Variants in SLC5A11 observed in about 807,000 individuals in gnomAD.
SLC5A11 encodes sodium/myo-inositol cotransporter 2.
Under a neutral mutation model 69.8 loss-of-function variants are expected in SLC5A11, and 48 were observed. That is an observed-to-expected ratio of 0.69 (90% CI 0.55 to 0.87). The LOEUF (loss-of-function observed/expected upper bound fraction) is 0.87. SLC5A11 is among the 40% of genes least tolerant of loss of function. SLC5A11 has a pLI of 0.00. For missense variants in SLC5A11, 784 were observed against 866.1 expected, an observed-to-expected ratio of 0.91 and a Z score of 1.19; for synonymous variants, 319 against 342.4, an observed-to-expected ratio of 0.93 and a Z score of 0.75.
chr16:24,908,859 T>C (rs766500034), intron 13 of SLC5A11, 22 bp from the exon 15 acceptor site: 9 of 1,607,572 alleles, frequency 5.6e-6, no homozygotes, highest in South Asian at 4.4e-5. Flanking sequence ...GTCTCTAAGA[T>C]GATCTTGCTC....
At chr16:24,898,234 C>G (rs979719428) in intron 10 of SLC5A11, 125 bp downstream of exon 11, 37 of 1,277,426 alleles carry the variant, frequency 2.9e-5, no homozygotes, top group Non-Finnish European at 3.6e-5. Flanking sequence ...TTTTCTAAGA[C>G]AGAGTCTCAT....
chr16:24,871,563 G>A (rs1418458219), intron 4 of SLC5A11, among the ~76,000 whole-genome samples: 2 of 152,080 alleles, frequency 1.3e-5, no homozygotes, highest in Non-Finnish European at 2.9e-5. Context: ...GTGACTCACC[G>A]CACCCAGCTG....
At chr16:24,888,539 A>G (rs2048545775) in intron 8 of SLC5A11, among the ~76,000 whole-genome samples, 1 of 133,676 alleles carries the variant, frequency 7.5e-6, no homozygotes, top group South Asian at 2.4e-4. Context: ...GCTAGAGTAC[A>G]GTGGCACAAT....
rs145978243 is a variant in SLC5A11, at chr16:24,857,820, A to G, written c.-24-800A>G. ...TATCTGCAAACTTAATTGTCCTTTG[A>G]TATGTAACAACATATTCACAGGTTC... On this transcript the variant is annotated intron_variant, in intron 1 of 15. Coordinates refer to ENST00000347898, the Ensembl canonical transcript of SLC5A11. Among the ~76,000 whole-genome samples the G allele has an allele frequency of 2.6e-4, 40 of 152,300 alleles. 1 individual carries two copies. In the East Asian group the frequency reaches 7.3e-3, roughly 28 times the overall value.
intron 1 of SLC5A11, among the ~76,000 whole-genome samples, chr16:24,855,239 A>G (rs2059475758): frequency 6.6e-6 from 1 of 152,092 alleles, no homozygotes. Context: ...TAGTATTAAG[A>G]GGCAGGGCAT....
At chr16:24,905,899 C>CTGCA (rs2050024462) in intron 10 of SLC5A11, among the ~76,000 whole-genome samples, 1 of 151,900 alleles carries the variant, frequency 6.6e-6, no homozygotes, top group Non-Finnish European at 1.5e-5. Context: ...ACAAAGCTTA[C>CTGCA]TGCAGCTCCT....
Position 24,891,089 on chromosome 16 carries a change from C to A in SLC5A11, c.870+15C>A. The A allele has an allele frequency of 6.2e-7, 1 of 1,605,956 alleles. No homozygotes were observed. The highest frequency in any genetic ancestry group is 8.5e-7 in the Non-Finnish European group (1 of 1,173,792). On this transcript the variant is annotated intron_variant, in intron 9 of 15. Coordinates refer to ENST00000347898, the Ensembl canonical transcript of SLC5A11. ...GCACGGATCAGGTACAGGACAGTGG[C>A]CTGAGCAAGTTTTTCCTTCTCTTTG...
At position 24,848,266 on chromosome 16, in the gene SLC5A11, T is replaced by C. The variant is rs141442745; in HGVS notation, c.-25+1828T>C. 2.6e-3 allele frequency among the ~76,000 whole-genome samples: 389 copies of C among 152,252 alleles called. 3 individuals are homozygous for C. Among genetic ancestry groups the C allele is most frequent in the African/African-American group, 9.0e-3 (374 of 41,544 alleles). On this transcript the variant is annotated intron_variant, in intron 1 of 15. Coordinates refer to ENST00000347898, the Ensembl canonical transcript of SLC5A11. ...TGTTTTGAGCAGGAAAATGATCTGATCTGACTCATACTTAAAGATTTCTCT... is the reference window on the plus strand; with the variant it reads ...TGTTTTGAGCAGGAAAATGATCTGACCTGACTCATACTTAAAGATTTCTCT...
At chr16:24,865,901 ACT>A (rs2046889265) in intron 3 of SLC5A11, among the ~76,000 whole-genome samples, 1 of 151,704 alleles carries the variant, frequency 6.6e-6, no homozygotes, top group African/African-American at 2.4e-5. Flanking sequence ...TTCGATTGTA[ACT>A]CTCTTTTTCT....
intron 1 of SLC5A11, among the ~76,000 whole-genome samples, chr16:24,847,510 C>G (rs867021500): frequency 5.9e-5 from 9 of 152,122 alleles, no homozygotes; most frequent in Admixed American, 1.3e-4. Flanking sequence ...CCAGCATGCC[C>G]TGCTAACTTT....
chr16:24,893,760 T>G (rs1239251904), intron 9 of SLC5A11, among the ~76,000 whole-genome samples: 1 of 151,944 alleles, frequency 6.6e-6, no homozygotes, highest in African/African-American at 2.4e-5. Flanking sequence ...TTTGTAGAGA[T>G]AGGGTTTCGC....
intron 12 of SLC5A11, 99 bp from the exon 14 acceptor site, chr16:24,907,864 C>T: frequency 1.3e-6 from 2 of 1,508,492 alleles, no homozygotes; most frequent in Non-Finnish European, 1.8e-6. Flanking sequence ...CCGGCCTTGG[C>T]AACAGAACAA....
At chr16:24,896,059 C>CT (rs11378871) in intron 9 of SLC5A11, among the ~76,000 whole-genome samples, 97,691 of 144,530 alleles carry the variant, frequency 0.68, 33,848 homozygotes, top group African/African-American at 0.85. Context: ...TAAAAAGGCT[C>CT]TTTTTTTTTT....
chr16:24,898,206 C>G (rs1410277634), intron 10 of SLC5A11, 97 bp downstream of exon 11: 3 of 1,425,004 alleles, frequency 2.1e-6, no homozygotes, highest in Non-Finnish European at 9.5e-7. Context: ...GAGAATGTGA[C>G]TACAGTCCTT....
At chr16:24,855,082 A>G (rs1330525978) in intron 1 of SLC5A11, among the ~76,000 whole-genome samples, 1 of 151,944 alleles carries the variant, frequency 6.6e-6, no homozygotes, top group East Asian at 1.9e-4. Context: ...CTCCTGCCTC[A>G]GCCTCCCAAG....
chr16:24,899,411 ATTTT>A (rs112784645), intron 10 of SLC5A11, among the ~76,000 whole-genome samples: 4 of 144,314 alleles, frequency 2.8e-5, no homozygotes, highest in Non-Finnish European at 6.1e-5. Flanking sequence ...TCCTTTTTGG[ATTTT>A]TTTTTTTTTG....
At position 24,879,757 on chromosome 16, in the gene SLC5A11, A is replaced by G. The variant is rs77255018; in HGVS notation, c.583+2394A>G. Among the ~76,000 whole-genome samples, 1,376 of 152,330 alleles carry G rather than the reference A, an allele frequency of 9.0e-3. 13 individuals are homozygous for G. Among genetic ancestry groups the G allele is most frequent in the Middle Eastern group, 0.041 (12 of 294 alleles). On this transcript the variant is annotated intron_variant, in intron 7 of 15. Coordinates refer to ENST00000347898, the Ensembl canonical transcript of SLC5A11. ...AAGACCCCATCTCAAAGAAAAAGAA[A>G]ATAAACAAATAAGTGAGTGGTTTTC...
chr16:24,878,073 A>T (rs1336805390), intron 7 of SLC5A11, among the ~76,000 whole-genome samples: 2 of 151,892 alleles, frequency 1.3e-5, no homozygotes, highest in African/African-American at 4.8e-5. Context: ...GAATCGCTTG[A>T]ACCCCGGTGG....
chr16:24,890,945 C>G (rs1408886854), exon 9 of SLC5A11: 2 of 1,614,196 alleles, frequency 1.2e-6, no homozygotes, highest in Non-Finnish European at 1.7e-6. Flanking sequence ...GGAGTGAGAA[C>G]AGCAGCTGCG....
Sources: gnomAD v4.1 joint callset for allele counts (sites outside exome capture counted in the v4.1 genomes callset) on GRCh38, gnomAD v4.1.1 for gene constraint, MANE v1.5 for transcripts, NCBI Gene and HGNC (gene_info 2026-07-23, HGNC 2026-07-21) for gene names.